Variants in LTBP4 observed in about 807,000 individuals in gnomAD.
The protein encoded by LTBP4 is latent-transforming growth factor beta-binding protein 4.
LTBP4 carries 93 observed loss-of-function variants against 180.2 expected under a neutral mutation model. That is an observed-to-expected ratio of 0.52 (90% CI 0.44 to 0.61). LTBP4 has a LOEUF of 0.61. LTBP4 is among the 20% of genes least tolerant of loss of function. LTBP4 has a pLI of 0.00. For synonymous variants in LTBP4, 947 were observed against 934.5 expected (o/e 1.01, Z -0.24); for missense variants, 2,116 against 2,256.5 (o/e 0.94, Z 1.26).
At position 40,614,298 on chromosome 19, in the gene LTBP4, C is replaced by A; in HGVS notation, c.2681-17C>A. 7 of 1,592,116 alleles carry A rather than the reference C, an allele frequency of 4.4e-6. No homozygotes were observed. The highest frequency in any genetic ancestry group is 6.0e-6 in the Non-Finnish European group (7 of 1,173,730). On this transcript the variant is annotated splice_polypyrimidine_tract_variant and intron_variant, in intron 18 of 29. Transcript: ENST00000396819. ...CTCCCTGCTTCCCACATCCGACCAC[C>A]CGACCTCTCTCCTCAGACGTGGACG... is the stretch of plus-strand genomic sequence containing the variant.
intron 26 of LTBP4, among the ~76,000 whole-genome samples, chr19:40,625,314 ATATT>A (rs2073179114): frequency 5.6e-5 from 1 of 17,752 alleles, no homozygotes; most frequent in Non-Finnish European, 9.6e-5. Flanking sequence ...ATATATATAT[ATATT>A]TTTTTTTTTA....
At chr19:40,628,774 T>G (rs1184367268) in intron 29 of LTBP4, among the ~76,000 whole-genome samples, 1 of 152,194 alleles carries the variant, frequency 6.6e-6, no homozygotes, top group African/African-American at 2.4e-5. Flanking sequence ...AGGACAAAGT[T>G]AATACTTGTA....
At chr19:40,617,068 C>T in intron 20 of LTBP4, 32 bp from the exon 21 acceptor site, 2 of 1,613,748 alleles carry the variant, frequency 1.2e-6, no homozygotes, top group South Asian at 1.1e-5. Flanking sequence ...GGTAGAAGGT[C>T]CAGAAATGGC....
chr19:40,615,532 G>A (rs530969594), intron 19 of LTBP4, among the ~76,000 whole-genome samples: 1 of 152,352 alleles, frequency 6.6e-6, no homozygotes, highest in East Asian at 1.9e-4. Flanking sequence ...GGCCAAGGCG[G>A]ATGGATCACG....
At chr19:40,599,860 C>G, upstream of LTBP4, 2 of 513,048 alleles carry the variant, frequency 3.9e-6, no homozygotes, top group South Asian at 3.4e-5. Context: ...TGCCCCTTCT[C>G]TCTTTCTCTC....
intron 22 of LTBP4, among the ~76,000 whole-genome samples, chr19:40,620,230 T>A (rs28559675): frequency 0.48 from 72,715 of 150,634 alleles, 18,499 homozygotes; most frequent in African/African-American, 0.64. Flanking sequence ...GTTTTTTTTT[T>A]GAAAATTTTT....
At position 40,613,667 on chromosome 19, in the gene LTBP4, G is replaced by A. The variant is rs1267370352; in HGVS notation, c.2557+138G>A. 8 of 1,394,154 alleles carry A rather than the reference G, an allele frequency of 5.7e-6. No homozygotes were observed. The highest frequency in any genetic ancestry group is 1.4e-5 in the African/African-American group (1 of 70,010). 86.4% of individuals were successfully genotyped at this position (1,394,154 alleles called of 1,614,324 possible). On this transcript the variant is annotated intron_variant, in intron 17 of 29. Transcript: ENST00000396819. This position sits in a 1 kb window ranked among gnomAD's most constrained non-coding sequence, Gnocchi z 5.0. ...AGCAGGATCAGGGGGCAGCTGGTGGGAGTCTCGAGGCAGTGAGGGGGGGCG... is the reference window on the plus strand; with the variant it reads ...AGCAGGATCAGGGGGCAGCTGGTGGAAGTCTCGAGGCAGTGAGGGGGGGCG...
Position 40,627,810 on chromosome 19 carries a change from G to A in LTBP4, c.4472G>A (p.Arg1491His), listed in dbSNP as rs1382811887. The A allele has an allele frequency of 3.2e-5, 50 of 1,572,444 alleles. No individual in the cohort carries two copies. The highest frequency in any genetic ancestry group is 4.2e-5 in the Non-Finnish European group (49 of 1,164,014). Reference protein sequence around the residue: ...CVRVPEGFTCRCFDGYRLDMT... With the variant: ...CVRVPEGFTCHCFDGYRLDMT... ...CGCGTCCCCGAAGGCTTCACCTGCC[G>A]TTGCTTCGACGGCTACCGCCTGGAC... is the stretch of plus-strand genomic sequence containing the variant. Residue 1491 changes from arginine to histidine, a missense_variant, in exon 29 of 30, where the codon CGT becomes CAT. Arg to His is a conservative substitution (Grantham distance 29). Around this residue, in one of 5 missense-constraint regions of LTBP4, gnomAD observed 488 missense variants for 458.8 expected, o/e 1.06. Coordinates refer to ENST00000396819, the MANE Select transcript of LTBP4 (RefSeq NM_001042545.2).
chr19:40,606,197 AC>A (rs1168978465), intron 4 of LTBP4, 35 bp from the exon 5 acceptor site: 6 of 1,545,984 alleles, frequency 3.9e-6, no homozygotes, highest in Non-Finnish European at 5.3e-6. Context: ...CGCTCTGCCC[AC>A]CTGTCCCTGG....
chr19:40,626,001 A>C lies in LTBP4; in HGVS notation c.3977A>C (p.Gln1326Pro). The C allele has an allele frequency of 6.2e-7, 1 of 1,602,086 alleles. No homozygotes were observed. The highest frequency in any genetic ancestry group is 8.5e-7 in the Non-Finnish European group (1 of 1,175,378). ...ATGGACTGCGCCCTCTGCCCTGCGC[A>C]GGACTCAGGTGCTGGCACTGGCCTA... ...WGMDCALCPA[Q>P]DSDDFEALCN... Residue 1326 changes from glutamine to proline, a missense_variant, in exon 27 of 30, where the codon CAG (glutamine) becomes CCG (proline). Gln to Pro is a moderately conservative substitution (Grantham distance 76). Coordinates refer to ENST00000396819, the MANE Select transcript of LTBP4 (RefSeq NM_001042545.2).
chr19:40,608,461 CGTT>C lies in LTBP4; in HGVS notation c.1307-21_1307-19del, dbSNP rs1568404699. 6.3e-7 allele frequency: 1 copy of C among 1,593,584 alleles called. No homozygotes were observed. Among genetic ancestry groups the C allele is most frequent in the African/African-American group, 1.3e-5 (1 of 74,504 alleles). ...GGCAAGAGAGGATTTGGGCTCCACT[CGTT>C]GATACCCCTTCTTTATCAGGCTTTC... On this transcript the variant is annotated intron_variant, in intron 8 of 29. Transcript: ENST00000396819.
rs1300056713 is a variant in LTBP4, at chr19:40,605,874, G to A, written c.793+43G>A. 6 of 1,518,492 alleles carry A rather than the reference G, an allele frequency of 4.0e-6. No homozygotes were observed. Among genetic ancestry groups the A allele is most frequent in the South Asian group, 3.6e-5 (3 of 83,400 alleles). The allele number at this position is 1,518,492 out of a possible 1,614,324, so 94.1% of individuals were successfully genotyped here. ...CCCGAAGTGCTCGGAGCTGGGGAGT[G>A]GTGACAACCTCACCGTTCCTCCTAC... On this transcript the variant is annotated intron_variant, in intron 4 of 29. Transcript: ENST00000396819. The surrounding 1 kb of genome is among the most constrained non-coding windows in gnomAD (Gnocchi z 5.5).
rs756305520 is a variant in LTBP4 at position 40,612,057 on chromosome 19, C to G, written c.2180-16C>G. ...TGGACCACTTCTTCAAGGCCACCCT[C>G]TCCCCTGCCCCCCAGATGTGGATGA... On this transcript the variant is annotated splice_polypyrimidine_tract_variant and intron_variant, in intron 14 of 29. Coordinates refer to ENST00000396819, the MANE Select transcript of LTBP4 (RefSeq NM_001042545.2). 9.3e-6 allele frequency: 15 copies of G among 1,612,750 alleles called. No homozygotes were observed. The highest frequency in any genetic ancestry group is 1.7e-5 in the Admixed American group (1 of 59,868).
chr19:40,605,009 C>T lies in LTBP4; in HGVS notation c.251-26C>T, dbSNP rs773032874. ...AGAACCTGCCAGGAATGGTGGCGCCCCTGAGTGTCCTCGTTCTCCTCCCAG... is the reference window on the plus strand; with the variant it reads ...AGAACCTGCCAGGAATGGTGGCGCCTCTGAGTGTCCTCGTTCTCCTCCCAG... On this transcript the variant is annotated intron_variant, in intron 1 of 29. Coordinates refer to ENST00000396819, the MANE Select transcript of LTBP4 (RefSeq NM_001042545.2). This position sits in a 1 kb window ranked among gnomAD's most constrained non-coding sequence, Gnocchi z 5.5. The T allele has an allele frequency of 5.0e-6, 8 of 1,590,886 alleles. No individual in the cohort carries two copies. The highest frequency in any genetic ancestry group is 1.7e-5 in the Admixed American group (1 of 58,282).
At chr19:40,625,282 A>ATT (rs1568414385) in intron 26 of LTBP4, among the ~76,000 whole-genome samples, 5 of 6,078 alleles carry the variant, frequency 8.2e-4, no homozygotes, top group Non-Finnish European at 9.9e-4. Flanking sequence ...ATATATATAT[A>ATT]TATATATATA....
In LTBP4 at chr19:40,615,202, G is replaced by GGGGT. The variant is rs1568409319; in HGVS notation, c.2812+759_2812+760insTGGG. ...TATTTTTTTGTGTCGGCGGGGGGGG[G>GGGGT]GGGGCGGTGATGGTGTGTGAGTCCG... On this transcript the variant is annotated intron_variant, in intron 19 of 29. Coordinates refer to ENST00000396819, the MANE Select transcript of LTBP4 (RefSeq NM_001042545.2). The GGGGT allele has an allele frequency of 2.0e-5, 3 of 147,918 alleles. 1 individual carries two copies. Among genetic ancestry groups the GGGGT allele is most frequent in the Non-Finnish European group, 4.5e-5 (3 of 66,808 alleles). The allele number at this position is 147,918 out of a possible 1,614,324, so 9.2% of individuals were successfully genotyped here.
Position 40,625,285 on chromosome 19 carries a change from TATATATATATATATATATATATATATATA to T in LTBP4, c.3833-571_3833-543del, listed in dbSNP as rs1568414432. Reference sequence around the variant, plus strand: ...ATATATATATATATATATATATATATATATATATATATATATATATATATATATATATTTTTTTTTTTAAAGATGGGTTT... The same window carrying T: ...ATATATATATATATATATATATATATTATTTTTTTTTTTAAAGATGGGTTT... On this transcript the variant is annotated intron_variant, in intron 26 of 29. Transcript: ENST00000396819. Among the ~76,000 whole-genome samples, 20 of 9,262 alleles carry T rather than the reference TATATATATATATATATATATATATATATA, an allele frequency of 2.2e-3. 3 individuals are homozygous for T. The highest frequency in any genetic ancestry group is 9.4e-3 in the South Asian group (3 of 318). The allele number at this position is 9,262 out of a possible 152,430, so 6.1% of individuals were successfully genotyped here. A position where few individuals can be genotyped will look rare whatever the true frequency, so the allele number is the denominator to read the frequency against.
At chr19:40,607,285 CATT>C in intron 6 of LTBP4, 77 bp from the exon 7 acceptor site, 18 of 1,099,310 alleles carry the variant, frequency 1.6e-5, no homozygotes, top group Middle Eastern at 2.0e-4. Flanking sequence ...ACCCCAGAAC[CATT>C]CCCCTCTCTC....
chr19:40,618,213 A>G (rs762917865), intron 21 of LTBP4, among the ~76,000 whole-genome samples: 5 of 151,410 alleles, frequency 3.3e-5, no homozygotes, highest in Non-Finnish European at 5.9e-5. Context: ...TACCACAGGC[A>G]CACGCAACCA....
Sources: gnomAD v4.1 joint callset for allele counts (sites outside exome capture counted in the v4.1 genomes callset) on GRCh38, gnomAD v4.1.1 for gene constraint, gnomAD v4.1.1 regional missense constraint, Gnocchi (gnomAD v3.1) non-coding constraint, MANE v1.5 for transcripts, NCBI Gene and HGNC (gene_info 2026-07-23, HGNC 2026-07-21) for gene names.